The following CYP1A2 variants were observed in gnomAD, a reference collection of about 807,000 sequenced individuals.
CYP1A2 encodes the protein cytochrome P450 1A2.
A neutral mutation model predicts 34.7 loss-of-function variants in CYP1A2; 35 were observed. The observed-to-expected ratio is 1.01, with a 90% CI of 0.77 to 1.34. CYP1A2 has a LOEUF of 1.34. Among genes scored for constraint, CYP1A2 ranks in the 40% most tolerant of loss-of-function variants. The pLI is 0.00. For synonymous variants in CYP1A2, 288 were observed against 281.9 expected, an observed-to-expected ratio of 1.02 and a Z score of -0.22; for missense variants, 675 against 675.8, an observed-to-expected ratio of 1.00 and a Z score of 0.01.
Position 74,749,991 on chromosome 15 carries a change from G to C in CYP1A2, c.253G>C (p.Val85Leu), listed in dbSNP as rs759912942. 1.2e-6 allele frequency: 2 copies of C among 1,614,074 alleles called. No individual in the cohort carries two copies. Among genetic ancestry groups the C allele is most frequent in the Non-Finnish European group, 1.7e-6 (2 of 1,180,010 alleles). Reference protein sequence around the residue: ...VLQIRIGSTPVLVLSRLDTIR... With the variant: ...VLQIRIGSTPLLVLSRLDTIR... ...GCAGATCCGCATTGGCTCCACGCCC[G>C]TGCTGGTGCTGAGCCGCCTGGACAC... Residue 85 changes from valine to leucine, a missense_variant, in exon 2 of 7, where the codon GTG becomes CTG. Coordinates refer to ENST00000343932, the MANE Select transcript of CYP1A2 (RefSeq NM_000761.5).
Position 74,750,065 on chromosome 15 carries a change from T to C in CYP1A2, c.327T>C (p.Pro109=). 6.2e-7 allele frequency: 1 copy of C among 1,614,000 alleles called. No individual in the cohort carries two copies. The highest frequency in any genetic ancestry group is 8.5e-7 in the Non-Finnish European group (1 of 1,180,000). Residue 109 remains proline, a synonymous_variant, in exon 2 of 7, where the codon CCT becomes CCC. Coordinates refer to ENST00000343932, the MANE Select transcript of CYP1A2 (RefSeq NM_000761.5). ...AGGGCGACGATTTCAAGGGCCGGCC[T>C]GACCTCTACACCTCCACCCTCATCA... ...VRQGDDFKGR[P]DLYTSTLITD...
intron 6 of CYP1A2, among the ~76,000 whole-genome samples, chr15:74,754,403 G>C (rs1182655654): frequency 7.2e-6 from 1 of 139,356 alleles, no homozygotes; most frequent in Non-Finnish European, 1.5e-5. Flanking sequence ...TCATGAGTCT[G>C]AGACCAGTGA....
At position 74,751,769 on chromosome 15, in the gene CYP1A2, T is replaced by C; in HGVS notation, c.957T>C (p.Phe319=). 1 of 1,614,012 alleles carries C rather than the reference T, an allele frequency of 6.2e-7. No individual in the cohort carries two copies. Among genetic ancestry groups the C allele is most frequent in the South Asian group, 1.1e-5 (1 of 91,070 alleles). ...ACCTTACACTACACGGTTCAGGATT[T>C]GACACAGTCACCACAGCCATCTCCT... ...NLVNDIFGAG[F]DTVTTAISWS... The change falls in exon 4 of 7, where the codon TTT becomes TTC. Residue 319 remains phenylalanine (F), a synonymous_variant. Transcript: ENST00000343932.
chr15:74,751,220 T>C lies in CYP1A2; in HGVS notation c.863T>C (p.Phe288Ser). The change falls in exon 3 of 7, where the codon TTC becomes TCC. Residue 288 changes from phenylalanine to serine, a missense_variant. Physicochemically the swap from Phe to Ser is radical, Grantham distance 155. Transcript: ENST00000343932. The stretch of plus-strand genomic sequence containing the variant: ...GTCCGGGACATCACGGGTGCCCTGT[T>C]CAAGCACAGCAAGAAGGGGCCTAGA... ...NSVRDITGAL[F>S]KHSKKGPRAS... 8 of 1,614,104 alleles carry C rather than the reference T, an allele frequency of 5.0e-6. No homozygotes were observed. Among genetic ancestry groups the C allele is most frequent in the Non-Finnish European group, 6.8e-6 (8 of 1,179,990 alleles).
At position 74,752,145 on chromosome 15, in the gene CYP1A2, G is replaced by A. The variant is rs144076129; in HGVS notation, c.1064G>A (p.Arg355Gln). ...KELDTVIGRE[R>Q]RPRLSDRPQL... The stretch of plus-strand genomic sequence containing the variant: ...ACAGACACTGTGATTGGCAGGGAGC[G>A]GCGGCCCCGGCTCTCTGACAGACCC... The change falls in exon 5 of 7, where the codon CGG becomes CAG. Residue 355 changes from arginine (R) to glutamine (Q), a missense_variant. Physicochemically the swap from Arg to Gln is conservative, Grantham distance 43 (BLOSUM62 1). Coordinates refer to ENST00000343932, the MANE Select transcript of CYP1A2 (RefSeq NM_000761.5). 2.5e-5 allele frequency: 41 copies of A among 1,613,868 alleles called. No individual in the cohort carries two copies. Among genetic ancestry groups the A allele is most frequent in the South Asian group, 7.7e-5 (7 of 91,086 alleles).
intron 6 of CYP1A2, 79 bp downstream of exon 6, chr15:74,753,349 T>C: frequency 8.5e-7 from 1 of 1,178,304 alleles, no homozygotes; most frequent in Non-Finnish European, 1.2e-6. Context: ...AGGAACTGTT[T>C]ATATAATGAA....
chr15:74,755,104 T>C lies in CYP1A2; in HGVS notation c.*16T>C. On this transcript the variant is annotated 3_prime_UTR_variant, in exon 7 of 7. Coordinates refer to ENST00000343932, the MANE Select transcript of CYP1A2 (RefSeq NM_000761.5). ...CATCAATTGAAGAAGACACCACCAT[T>C]CTGAGGCCAGGGAGCGAGTGGGGGC... is the stretch of plus-strand genomic sequence containing the variant. The C allele has an allele frequency of 6.3e-7, 1 of 1,593,578 alleles. No individual in the cohort carries two copies. The highest frequency in any genetic ancestry group is 8.6e-7 in the Non-Finnish European group (1 of 1,168,468).
At position 74,754,999 on chromosome 15, in the gene CYP1A2, A is replaced by G. The variant is rs1323371696; in HGVS notation, c.1462A>G (p.Lys488Glu). The change falls in exon 7 of 7, where the codon AAA becomes GAA. Residue 488 changes from lysine to glutamate, a missense_variant. Lys to Glu is a moderately conservative substitution (Grantham distance 56). Transcript: ENST00000343932. ...GGAGTTCAGCGTGCCGCCGGGCGTG[A>G]AAGTCGACCTGACCCCCATCTACGG... is the stretch of plus-strand genomic sequence containing the variant. ...QLEFSVPPGV[K>E]VDLTPIYGLT... The G allele has an allele frequency of 6.2e-7, 1 of 1,614,230 alleles. No homozygotes were observed. The highest frequency in any genetic ancestry group is 1.1e-5 in the South Asian group (1 of 91,088).
chr15:74,750,655 T>A, intron 2 of CYP1A2, 86 bp downstream of exon 2: 2 of 1,176,478 alleles, frequency 1.7e-6, no homozygotes, highest in Non-Finnish European at 2.5e-6. Flanking sequence ...CCCACACAGC[T>A]GCTGTGTTGC....
chr15:74,754,928 C>T lies in CYP1A2; in HGVS notation c.1391C>T (p.Ala464Val). 6.2e-7 allele frequency: 1 copy of T among 1,614,238 alleles called. No homozygotes were observed. The highest frequency in any genetic ancestry group is 8.5e-7 in the Non-Finnish European group (1 of 1,180,040). Residue 464 changes from alanine to valine, a missense_variant, in exon 7 of 7, where the codon GCC becomes GTC. Ala to Val is a moderately conservative substitution (Grantham distance 64). Coordinates refer to ENST00000343932, the MANE Select transcript of CYP1A2 (RefSeq NM_000761.5). ...GKRRCIGEVLAKWEIFLFLAI... is the reference protein window; with the variant it reads ...GKRRCIGEVLVKWEIFLFLAI... Reference sequence around the variant, plus strand: ...CGCCGGTGTATCGGGGAAGTCCTGGCCAAGTGGGAGATCTTCCTCTTCCTG... The same window carrying T: ...CGCCGGTGTATCGGGGAAGTCCTGGTCAAGTGGGAGATCTTCCTCTTCCTG...
Position 74,752,228 on chromosome 15 carries a change from C to A in CYP1A2, c.1147C>A (p.Pro383Thr), listed in dbSNP as rs2063319310. ...LETFRHSSFLPFTIPHSTTRD... is the reference protein window; with the variant it reads ...LETFRHSSFLTFTIPHSTTRD... The stretch of plus-strand genomic sequence containing the variant: ...GACCTTCCGACACTCCTCCTTCTTG[C>A]CCTTCACCATCCCCCACAGGTGAGG... Residue 383 changes from proline to threonine, a missense_variant, in exon 5 of 7, where the codon CCC becomes ACC. Pro to Thr is a conservative substitution (Grantham distance 38). Transcript: ENST00000343932. The A allele has an allele frequency of 6.2e-7, 1 of 1,613,906 alleles. No homozygotes were observed. Among genetic ancestry groups the A allele is most frequent in the Non-Finnish European group, 8.5e-7 (1 of 1,179,976 alleles).
intron 3 of CYP1A2, 71 bp from the exon 4 acceptor site, chr15:74,751,694 A>G (rs996294925): frequency 5.6e-6 from 8 of 1,440,202 alleles, no homozygotes; most frequent in Middle Eastern, 1.8e-4. Context: ...CATACATAGC[A>G]GATACTTGGG....
chr15:74,756,145 T>C lies in CYP1A2; in HGVS notation c.*1057T>C, dbSNP rs2063337256. ...TGTTTTTTTTTTTTTTGAGACAGAG[T>C]CTTCCTCTGTCTCCTAAGCTGGAGT... On this transcript the variant is annotated 3_prime_UTR_variant, in exon 7 of 7. Transcript: ENST00000343932. 1 of 130,570 alleles carries C rather than the reference T, an allele frequency of 7.7e-6. No individual in the cohort carries two copies. 8.1% of individuals were successfully genotyped at this position (130,570 alleles called of 1,614,324 possible). A position where few individuals can be genotyped will look rare whatever the true frequency, so the allele number is the denominator to read the frequency against.
chr15:74,751,266 A>G lies in CYP1A2; in HGVS notation c.909A>G (p.Pro303=). The G allele has an allele frequency of 1.2e-6, 2 of 1,614,144 alleles. No homozygotes were observed. Among genetic ancestry groups the G allele is most frequent in the Non-Finnish European group, 1.7e-6 (2 of 1,180,006 alleles). Residue 303 remains proline, a synonymous_variant, in exon 3 of 7, where the codon CCA becomes CCG. Transcript: ENST00000343932. ...CTAGAGCCAGCGGCAACCTCATCCC[A>G]CAGGAGAAGATTGTCAACCTTGTCA... is the stretch of plus-strand genomic sequence containing the variant. ...KGPRASGNLI[P]QEKIVNLVND... is the part of the protein sequence containing the mutation.
rs17861157 is a variant in CYP1A2, at chr15:74,751,251, C to T, written c.894C>T (p.Ser298=). 22 of 1,613,970 alleles carry T rather than the reference C, an allele frequency of 1.4e-5. No homozygotes were observed. Among genetic ancestry groups the T allele is most frequent in the African/African-American group, 6.7e-5 (5 of 74,876 alleles). The part of the protein sequence containing the change: ...FKHSKKGPRA[S]GNLIPQEKIV... ...ACAGCAAGAAGGGGCCTAGAGCCAG[C>T]GGCAACCTCATCCCACAGGAGAAGA... The change falls in exon 3 of 7, where the codon AGC becomes AGT. Residue 298 remains serine (S), a synonymous_variant. Transcript: ENST00000343932.
In CYP1A2 at chr15:74,750,162, A is replaced by G; in HGVS notation, c.424A>G (p.Asn142Asp). The G allele has an allele frequency of 6.2e-7, 1 of 1,614,070 alleles. No individual in the cohort carries two copies. Among genetic ancestry groups the G allele is most frequent in the Non-Finnish European group, 8.5e-7 (1 of 1,180,014 alleles). ...GGCTGCCCGCCGGCGCCTGGCCCAGAATGCCCTCAACACCTTCTCCATCGC... is the reference window on the plus strand; with the variant it reads ...GGCTGCCCGCCGGCGCCTGGCCCAGGATGCCCTCAACACCTTCTCCATCGC... ...VWAARRRLAQNALNTFSIASD... is the reference protein window; with the variant it reads ...VWAARRRLAQDALNTFSIASD... The change falls in exon 2 of 7, where the codon AAT becomes GAT. Residue 142 changes from asparagine (N) to aspartate (D), a missense_variant. Asn to Asp is a conservative substitution (Grantham distance 23). Transcript: ENST00000343932.
rs910124285 is a variant in CYP1A2, at chr15:74,755,331, A to G, written c.*243A>G. 2.8e-5 allele frequency: 11 copies of G among 390,818 alleles called. No homozygotes were observed. Among genetic ancestry groups the G allele is most frequent in the Non-Finnish European group, 4.0e-5 (9 of 223,112 alleles). 24.2% of individuals were successfully genotyped at this position (390,818 alleles called of 1,614,324 possible). On this transcript the variant is annotated 3_prime_UTR_variant, in exon 7 of 7. Transcript: ENST00000343932. ...AAAAAATTTGCCAAGAGCCTGAGTG[A>G]CAGAGCAAGACCCCATCTCAAAAAA...
Position 74,751,890 on chromosome 15 carries a change from G to A in CYP1A2, c.1042+36G>A, listed in dbSNP as rs781550329. The A allele has an allele frequency of 5.0e-6, 8 of 1,603,920 alleles. No homozygotes were observed. The Admixed American group carries it at 1.0e-4, about 21-fold the overall frequency. Reference sequence around the variant, plus strand: ...GCCCCCAACCCTATAGCCAGGAGAAGCCTTGAGACCCAGGTTGTTTGTTCA... The same window carrying A: ...GCCCCCAACCCTATAGCCAGGAGAAACCTTGAGACCCAGGTTGTTTGTTCA... On this transcript the variant is annotated intron_variant, in intron 4 of 6. Coordinates refer to ENST00000343932, the MANE Select transcript of CYP1A2 (RefSeq NM_000761.5).
chr15:74,751,087 A>G (rs1596357944), intron 2 of CYP1A2, 102 bp from the exon 3 acceptor site: 1 of 1,502,704 alleles, frequency 6.7e-7, no homozygotes, highest in African/African-American at 1.4e-5. Context: ...TTGGGAGGAT[A>G]GGGGGGTACC....
Sources: gnomAD v4.1 joint callset for allele counts (sites outside exome capture counted in the v4.1 genomes callset) on GRCh38, gnomAD v4.1.1 for gene constraint, MANE v1.5 for transcripts, NCBI Gene and HGNC (gene_info 2026-07-23, HGNC 2026-07-21) for gene names.